Variants in DNAH11 observed in about 807,000 individuals in gnomAD.
DNAH11 encodes dynein axonemal heavy chain 11.
DNAH11 carries 442 observed loss-of-function variants against 526.0 expected under a neutral mutation model. That is an observed-to-expected ratio of 0.84 (90% CI 0.78 to 0.91). DNAH11 has a LOEUF of 0.91. Ranked by LOEUF, DNAH11 falls within the 40% of genes least tolerant of loss-of-function variation. The pLI, the probability that DNAH11 is intolerant of heterozygous loss-of-function variation, is 0.00. For synonymous variants in DNAH11, 2,461 were observed against 1,935.9 expected (o/e 1.27, Z -7.12); for missense variants, 6,989 against 5,448.7 (o/e 1.28, Z -8.90).
At chr7:21,888,124 C>T (rs556118455) in intron 76 of DNAH11, among the ~76,000 whole-genome samples, 1 of 152,294 alleles carries the variant, frequency 6.6e-6, no homozygotes, top group Admixed American at 6.5e-5. Context: ...TCACTTCATT[C>T]ATTTATAAAA....
At chr7:21,816,806 T>A (rs1291381662) in intron 64 of DNAH11, 104 bp downstream of exon 64, 2 of 882,022 alleles carry the variant, frequency 2.3e-6, no homozygotes, top group Non-Finnish European at 3.5e-6. Context: ...CACATTGATG[T>A]ATTACAATTT....
Position 21,570,257 on chromosome 7 carries a change from T to C in DNAH11, c.1383T>C (p.Phe461=), listed in dbSNP as rs1205183789. 12 of 1,610,542 alleles carry C rather than the reference T, an allele frequency of 7.5e-6. No individual in the cohort carries two copies. The highest frequency in any genetic ancestry group is 1.0e-5 in the Non-Finnish European group (12 of 1,179,030). The change falls in exon 7 of 82, where the codon TTT becomes TTC. Residue 461 remains phenylalanine, a synonymous_variant. Coordinates refer to ENST00000409508, the MANE Select transcript of DNAH11 (RefSeq NM_001277115.2). ...GGGATTTCCAGTCTCATCTGGTGTT[T>C]TGCAGATTTGACAAGTTTCTTGATC... ...RPWDFQSHLV[F]CRFDKFLDRL... is the part of the protein sequence containing the mutation.
chr7:21,748,878 T>C (rs1420794417), intron 52 of DNAH11, 136 bp downstream of exon 52: 1 of 820,086 alleles, frequency 1.2e-6, no homozygotes, highest in Non-Finnish European at 1.8e-6. Context: ...GGGAGCTCTT[T>C]AAAGCAGTAA....
At chr7:21,704,314 G>A (rs951752370) in intron 37 of DNAH11, 120 bp from the exon 38 acceptor site, 7 of 987,400 alleles carry the variant, frequency 7.1e-6, no homozygotes, top group African/African-American at 3.3e-5. Flanking sequence ...CATCTTAATG[G>A]AGAACAGTAC....
At chr7:21,621,811 A>T (rs1786073860) in intron 25 of DNAH11, among the ~76,000 whole-genome samples, 1 of 152,196 alleles carries the variant, frequency 6.6e-6, no homozygotes, top group Non-Finnish European at 1.5e-5. Context: ...TATTGATGGG[A>T]CGTATCTCAA....
chr7:21,559,526 T>TA (rs1436294542), intron 3 of DNAH11, 77 bp from the exon 4 acceptor site: 6 of 1,216,050 alleles, frequency 4.9e-6, no homozygotes, highest in East Asian at 2.6e-5. Flanking sequence ...TATGGATGCC[T>TA]AAAATAACTA....
chr7:21,663,976 ATT>A (rs1241241591), intron 30 of DNAH11, among the ~76,000 whole-genome samples: 2 of 151,834 alleles, frequency 1.3e-5, no homozygotes, highest in Non-Finnish European at 2.9e-5. Flanking sequence ...TGGTAATTCT[ATT>A]TTTAATTTTT....
chr7:21,647,458 C>G (rs1787409223), intron 28 of DNAH11, among the ~76,000 whole-genome samples: 1 of 119,902 alleles, frequency 8.3e-6, no homozygotes, highest in Non-Finnish European at 1.7e-5. Context: ...GAGACAGAGT[C>G]TTACTCTATT....
chr7:21,731,565 C>G (rs1026753909), intron 45 of DNAH11, among the ~76,000 whole-genome samples: 1 of 152,162 alleles, frequency 6.6e-6, no homozygotes, highest in Admixed American at 6.5e-5. Context: ...TTTTCTGAAA[C>G]TGGTTGCATA....
chr7:21,585,170 C>G (rs3827658), intron 9 of DNAH11, among the ~76,000 whole-genome samples: 26,628 of 152,026 alleles, frequency 0.18, 2,451 homozygotes, highest in African/African-American at 0.21. Flanking sequence ...CTGTCATAAG[C>G]TTGGCGGGGG....
At chr7:21,790,458 A>G (rs1397151490) in intron 61 of DNAH11, among the ~76,000 whole-genome samples, 5 of 152,184 alleles carry the variant, frequency 3.3e-5, no homozygotes, top group African/African-American at 4.8e-5. Context: ...TCAAACAACA[A>G]AAAGAAAAGA....
intron 2 of DNAH11, among the ~76,000 whole-genome samples, chr7:21,553,852 C>T (rs34771725): frequency 4.6e-5 from 7 of 152,126 alleles, no homozygotes; most frequent in Non-Finnish European, 1.0e-4. Flanking sequence ...CAAAGACCTT[C>T]TGAGCCTCCC....
At chr7:21,670,866 ACG>A (rs1491358454) in intron 30 of DNAH11, among the ~76,000 whole-genome samples, 1 of 138,038 alleles carries the variant, frequency 7.2e-6, no homozygotes, top group East Asian at 2.3e-4. Flanking sequence ...TTAAGTGTGT[ACG>A]TGTGTGTGTG....
In DNAH11 at chr7:21,763,807, C is replaced by CATAT. The variant is rs974148216; in HGVS notation, c.8941-1619_8941-1616dup. Reference sequence around the variant, plus strand: ...TGTGCTATATATACATATACATATACATATACATATATATACATATATATA... The same window carrying CATAT: ...TGTGCTATATATACATATACATATACATATATATACATATATATACATATATATA... On this transcript the variant is annotated intron_variant, in intron 54 of 81. Coordinates refer to ENST00000409508, the MANE Select transcript of DNAH11 (RefSeq NM_001277115.2). Among the ~76,000 whole-genome samples, 4 of 148,626 alleles carry CATAT rather than the reference C, an allele frequency of 2.7e-5. No homozygotes were observed. The South Asian group carries it at 8.7e-4, about 32-fold the overall frequency.
chr7:21,809,154 G>A (rs1789400023), intron 63 of DNAH11, among the ~76,000 whole-genome samples: 1 of 152,016 alleles, frequency 6.6e-6, no homozygotes, highest in African/African-American at 2.4e-5. Flanking sequence ...ATTTTTTCAT[G>A]TTACCTATTG....
chr7:21,864,656 A>G lies in DNAH11; in HGVS notation c.11495A>G (p.Lys3832Arg). ...ACTTCTCAGTCATGGAGTGCTATCA[A>G]GGTATGTTAGGAATACAGTTTCTCA... ...FLTSQSWSAIKAIAVMEEFRG... is the reference protein window; with the variant it reads ...FLTSQSWSAIRAIAVMEEFRG... The change falls in exon 70 of 82, where the codon AAG becomes AGG. Residue 3832 changes from lysine (K) to arginine (R), a missense_variant and splice_region_variant. Lys to Arg is a conservative substitution (Grantham distance 26, BLOSUM62 2). Transcript: ENST00000409508. 6.3e-7 allele frequency: 1 copy of G among 1,587,378 alleles called. No homozygotes were observed. Among genetic ancestry groups the G allele is most frequent in the Non-Finnish European group, 8.6e-7 (1 of 1,168,126 alleles).
At chr7:21,872,402 A>G (rs1181182629) in intron 73 of DNAH11, among the ~76,000 whole-genome samples, 1 of 152,126 alleles carries the variant, frequency 6.6e-6, no homozygotes, top group African/African-American at 2.4e-5. Context: ...ATTTTGTTCC[A>G]TGTTTGCCCT....
Position 21,894,748 on chromosome 7 carries a change from G to A in DNAH11, c.12876G>A (p.Met4292Ile), listed in dbSNP as rs1236887315. Residue 4292 changes from methionine (M) to isoleucine (I), a missense_variant, in exon 78 of 82, where the codon ATG becomes ATA. Transcript: ENST00000409508. Reference protein sequence around the residue: ...VLVCFQECERMNILIREIRIS... With the variant: ...VLVCFQECERINILIREIRIS... ...TTTGCTTCCAAGAATGTGAGAGGAT[G>A]AATATTCTCATTCGGGAAATACGTA... 1 of 1,612,608 alleles carries A rather than the reference G, an allele frequency of 6.2e-7. No individual in the cohort carries two copies.
chr7:21,828,107 C>T (rs901236584), intron 65 of DNAH11, among the ~76,000 whole-genome samples: 4 of 152,126 alleles, frequency 2.6e-5, no homozygotes, highest in African/African-American at 9.7e-5. Context: ...CGCCACCATG[C>T]GCGGCTAATT....
Sources: allele counts gnomAD v4.1 joint callset (sites outside exome capture counted in the v4.1 genomes callset), GRCh38; gene constraint gnomAD v4.1.1; transcripts MANE v1.5; gene names NCBI Gene and HGNC (gene_info 2026-07-23, HGNC 2026-07-21).